Variants in PIBF1 observed in about 807,000 individuals in gnomAD.
The protein encoded by PIBF1 is progesterone immunomodulatory binding factor 1.
A neutral mutation model predicts 112.5 loss-of-function variants in PIBF1; 90 were observed. The observed-to-expected ratio is 0.80, with a 90% CI of 0.67 to 0.95. PIBF1 has a LOEUF of 0.95. Among genes scored for constraint, PIBF1 ranks in the 40% least tolerant of loss-of-function variants. The pLI, the probability that PIBF1 is intolerant of heterozygous loss-of-function variation, is 0.00. For missense variants in PIBF1, 915 were observed against 852.3 expected (o/e 1.07, Z -0.92); for synonymous variants, 301 against 288.6 (o/e 1.04, Z -0.44).
At chr13:72,952,584 A>G (rs1173684091) in intron 14 of PIBF1, among the ~76,000 whole-genome samples, 2 of 142,332 alleles carry the variant, frequency 1.4e-5, no homozygotes, top group Non-Finnish European at 3.1e-5. Flanking sequence ...GGGGTAGACT[A>G]TTTTGTCTAC....
Position 73,000,717 on chromosome 13 carries a change from G to A in PIBF1, c.2223+1722G>A, listed in dbSNP as rs147003568. The stretch of plus-strand genomic sequence containing the variant: ...CTGATCCTACTCTGCTCCAGGCAGT[G>A]GCACTATTCCTTCTGACCCTGACCT... On this transcript the variant is annotated intron_variant, in intron 17 of 17. Transcript: ENST00000326291. 3.0e-3 allele frequency among the ~76,000 whole-genome samples: 453 copies of A among 152,268 alleles called. 1 individual carries two copies. Among genetic ancestry groups the A allele is most frequent in the Non-Finnish European group, 2.6e-3 (177 of 68,020 alleles).
intron 11 of PIBF1, among the ~76,000 whole-genome samples, chr13:72,899,468 G>T (rs995469705): frequency 6.6e-6 from 1 of 152,128 alleles, no homozygotes; most frequent in Admixed American, 6.6e-5. Flanking sequence ...ATGGTTTAAC[G>T]TATGCAAGTC....
At chr13:72,911,371 G>A (rs971559825) in intron 12 of PIBF1, among the ~76,000 whole-genome samples, 1 of 151,744 alleles carries the variant, frequency 6.6e-6, no homozygotes, top group Non-Finnish European at 1.5e-5. Flanking sequence ...AACAAAGGCA[G>A]CAAAGCAAAC....
intron 11 of PIBF1, among the ~76,000 whole-genome samples, chr13:72,900,315 A>G (rs1171567211): frequency 6.6e-6 from 1 of 152,188 alleles, no homozygotes; most frequent in Non-Finnish European, 1.5e-5. Flanking sequence ...AGCAAAAAGA[A>G]CAAATCTGGA....
intron 12 of PIBF1, 137 bp from the exon 13 acceptor site, chr13:72,916,939 G>A (rs561403241): frequency 1.0e-5 from 5 of 477,108 alleles, no homozygotes; most frequent in Non-Finnish European, 1.5e-5. Flanking sequence ...CAAATGGGCT[G>A]TTTAAGATTA....
intron 14 of PIBF1, among the ~76,000 whole-genome samples, chr13:72,934,063 A>G (rs2041791808): frequency 6.6e-6 from 1 of 152,230 alleles, no homozygotes; most frequent in South Asian, 2.1e-4. Flanking sequence ...TAAAGGATCT[A>G]TGCCAACTTC....
intron 9 of PIBF1, among the ~76,000 whole-genome samples, chr13:72,851,123 C>T (rs1478564628): frequency 2.0e-5 from 3 of 152,174 alleles, no homozygotes; most frequent in Admixed American, 6.5e-5. Context: ...GGGGGAGGCG[C>T]GTCCAGGGCT....
chr13:72,793,885 G>C (rs974400373), intron 3 of PIBF1, among the ~76,000 whole-genome samples: 1 of 152,178 alleles, frequency 6.6e-6, no homozygotes, highest in African/African-American at 2.4e-5. Context: ...TGTTAAGTTG[G>C]AGTTTTCTAG....
chr13:72,815,215 G>A (rs1214725960), intron 5 of PIBF1, among the ~76,000 whole-genome samples: 1 of 152,164 alleles, frequency 6.6e-6, no homozygotes, highest in Non-Finnish European at 1.5e-5. Context: ...TTTTACCATT[G>A]TATCAAAAGA....
intron 13 of PIBF1, among the ~76,000 whole-genome samples, chr13:72,918,365 C>G (rs1206980012): frequency 6.7e-6 from 1 of 149,038 alleles, no homozygotes; most frequent in Admixed American, 6.7e-5. Flanking sequence ...GAAAGTTCTT[C>G]GAGGTCAGCA....
intron 11 of PIBF1, among the ~76,000 whole-genome samples, chr13:72,901,688 GAAAA>G (rs879492655): frequency 2.1e-5 from 3 of 140,430 alleles, no homozygotes; most frequent in African/African-American, 5.2e-5. Context: ...TCCTTCTCAA[GAAAA>G]AAAAAAAACC....
chr13:72,881,737 AAG>A (rs1427955211), intron 10 of PIBF1, among the ~76,000 whole-genome samples: 1 of 152,004 alleles, frequency 6.6e-6, no homozygotes, highest in Admixed American at 6.6e-5. Flanking sequence ...AAAAAAGTAA[AAG>A]ATCTCTACAA....
rs531601698 is a variant in PIBF1 at position 72,857,493 on chromosome 13, T to C, written c.1322+3338T>C. On this transcript the variant is annotated intron_variant, in intron 10 of 17. Coordinates refer to ENST00000326291, the MANE Select transcript of PIBF1 (RefSeq NM_006346.4). ...GCAACGTCTGTCACAGTCATGTGAC[T>C]GATTTTCCCTTCTCCAAATCAATAA... Among the ~76,000 whole-genome samples the C allele has an allele frequency of 3.3e-5, 5 of 152,376 alleles. No homozygotes were observed. In the South Asian group the frequency reaches 1.0e-3, roughly 32 times the overall value.
intron 13 of PIBF1, among the ~76,000 whole-genome samples, chr13:72,929,079 C>T (rs977403557): frequency 2.0e-5 from 3 of 152,050 alleles, no homozygotes; most frequent in Non-Finnish European, 4.4e-5. Flanking sequence ...TGAAAAATTA[C>T]CATGTTTAAG....
chr13:72,841,268 T>C (rs2037596382), intron 9 of PIBF1, among the ~76,000 whole-genome samples: 2 of 152,216 alleles, frequency 1.3e-5, no homozygotes, highest in South Asian at 4.1e-4. Flanking sequence ...CTGAGATGTA[T>C]TATATAAATA....
At chr13:73,003,583 A>G (rs530848743) in intron 17 of PIBF1, among the ~76,000 whole-genome samples, 37 of 152,134 alleles carry the variant, frequency 2.4e-4, no homozygotes, top group African/African-American at 8.9e-4. Context: ...TAGTCAATTC[A>G]AGAAGCATTT....
intron 15 of PIBF1, chr13:72,970,726 T>C (rs1394295398): frequency 6.6e-6 from 1 of 152,174 alleles, no homozygotes; most frequent in African/African-American, 2.4e-5. Context: ...TCCACTGTTA[T>C]GAAATATGTC....
chr13:72,973,715 C>A, intron 16 of PIBF1, 40 bp downstream of exon 16: 1 of 1,187,280 alleles, frequency 8.4e-7, no homozygotes, highest in East Asian at 2.5e-5. Context: ...TCATTTTAGG[C>A]TTTTTTAAAA....
chr13:72,954,383 C>G (rs773609167), intron 14 of PIBF1, among the ~76,000 whole-genome samples: 2 of 152,240 alleles, frequency 1.3e-5, no homozygotes, highest in Non-Finnish European at 1.5e-5. Flanking sequence ...TGCCAGCCCC[C>G]TGGTTCTGGC....
Sources: allele counts gnomAD v4.1 joint callset (sites outside exome capture counted in the v4.1 genomes callset), GRCh38; gene constraint gnomAD v4.1.1; transcripts MANE v1.5; gene names NCBI Gene and HGNC (gene_info 2026-07-23, HGNC 2026-07-21).